Variants in NPAS3 observed in about 807,000 individuals in gnomAD.
NPAS3 encodes neuronal PAS domain protein 3, also known as neuronal PAS domain-containing protein 3.
In NPAS3, 14 loss-of-function variants were observed where a neutral mutation model predicts 73.1. The ratio of observed to expected loss-of-function variants is 0.19; its 90% CI spans 0.13 to 0.30. The LOEUF is 0.30. Among genes scored for constraint, NPAS3 ranks in the 10% least tolerant of loss-of-function variants. The probability of loss-of-function intolerance (pLI) is 1.00; values close to 1 mark genes in which losing one functional copy is unlikely to be tolerated. For synonymous variants in NPAS3, 620 were observed against 541.5 expected (o/e 1.14, Z -2.01); for missense variants, 1,096 against 1,250.0 (o/e 0.88, Z 1.86).
At chr14:33,776,864 C>T (rs1277441694) in intron 8 of NPAS3, among the ~76,000 whole-genome samples, 3 of 152,096 alleles carry the variant, frequency 2.0e-5, no homozygotes, top group Non-Finnish European at 4.4e-5. Flanking sequence ...GTTAAGAGAC[C>T]CTCAAATGCC....
At chr14:33,514,648 T>C (rs2053217300) in intron 4 of NPAS3, among the ~76,000 whole-genome samples, 1 of 152,078 alleles carries the variant, frequency 6.6e-6, no homozygotes, top group Non-Finnish European at 1.5e-5. Context: ...AAAGAAATTA[T>C]ATCATGAAAT....
At chr14:33,106,974 G>A (rs566393517) in intron 2 of NPAS3, among the ~76,000 whole-genome samples, 2 of 152,086 alleles carry the variant, frequency 1.3e-5, no homozygotes, top group African/African-American at 4.8e-5. Flanking sequence ...TTTAGGATTG[G>A]GTTGGGGGAC....
At chr14:33,605,973 T>G (rs1381481237) in intron 5 of NPAS3, among the ~76,000 whole-genome samples, 1 of 152,140 alleles carries the variant, frequency 6.6e-6, no homozygotes, top group Non-Finnish European at 1.5e-5. Flanking sequence ...CAATAATTAT[T>G]AAAAATCCAC....
intron 6 of NPAS3, among the ~76,000 whole-genome samples, chr14:33,697,776 C>T (rs117115995): frequency 4.3e-3 from 649 of 152,282 alleles, no homozygotes; most frequent in Non-Finnish European, 6.8e-3. Context: ...GTGTTTTAGA[C>T]TTCCACATTA....
intron 4 of NPAS3, among the ~76,000 whole-genome samples, chr14:33,369,528 T>C (rs952809059): frequency 1.9e-4 from 29 of 150,836 alleles, no homozygotes; most frequent in African/African-American, 6.8e-4. Flanking sequence ...AACTCCTAAA[T>C]AGGGCTGGTC....
intron 1 of NPAS3, among the ~76,000 whole-genome samples, chr14:33,022,463 G>A (rs956938141): frequency 6.6e-6 from 1 of 152,196 alleles, no homozygotes; most frequent in Admixed American, 6.5e-5. Flanking sequence ...AGGAGATCGA[G>A]ACCATCCTGG....
chr14:33,563,537 C>CACACACAGAGAGAGAG, intron 5 of NPAS3, among the ~76,000 whole-genome samples: 4 of 119,652 alleles, frequency 3.3e-5, no homozygotes, highest in African/African-American at 1.1e-4. Flanking sequence ...CACACACACA[C>CACACACAGAGAGAGAG]AGAGAGAGAG....
In NPAS3 at chr14:33,229,479, G is replaced by A. The variant is rs543843621; in HGVS notation, c.385+14053G>A. Among the ~76,000 whole-genome samples the A allele has an allele frequency of 2.3e-3, 344 of 152,292 alleles. 1 individual carries two copies. The highest frequency in any genetic ancestry group is 3.8e-3 in the Non-Finnish European group (260 of 68,012). The stretch of plus-strand genomic sequence containing the variant: ...ACTGAGGCAGGGCTCAGAGTCACGT[G>A]CTCACCTTCCCGCCCGCTCACATGC... On this transcript the variant is annotated intron_variant, in intron 3 of 11. Transcript: ENST00000356141.
At chr14:33,324,497 G>A (rs1243899336) in intron 3 of NPAS3, among the ~76,000 whole-genome samples, 1 of 152,154 alleles carries the variant, frequency 6.6e-6, no homozygotes, top group Non-Finnish European at 1.5e-5. Context: ...ACCCTAAATA[G>A]TATCATATGA....
At chr14:33,624,360 T>A (rs1017373226) in intron 5 of NPAS3, among the ~76,000 whole-genome samples, 2 of 152,240 alleles carry the variant, frequency 1.3e-5, no homozygotes, top group Admixed American at 6.5e-5. Flanking sequence ...GCATTTGGTT[T>A]AGGACACAGG....
intron 4 of NPAS3, among the ~76,000 whole-genome samples, chr14:33,390,077 C>T (rs766909768): frequency 2.6e-5 from 4 of 152,004 alleles, no homozygotes; most frequent in Non-Finnish European, 4.4e-5. Flanking sequence ...TTCACAGAAT[C>T]TGTATGTGAG....
At chr14:33,754,375 C>G (rs112250483) in intron 7 of NPAS3, among the ~76,000 whole-genome samples, 1 of 152,212 alleles carries the variant, frequency 6.6e-6, no homozygotes, top group Non-Finnish European at 1.5e-5. Context: ...GGATGACATT[C>G]AAGACACATT....
intron 4 of NPAS3, among the ~76,000 whole-genome samples, chr14:33,456,876 C>G (rs2050045312): frequency 6.6e-6 from 1 of 152,090 alleles, no homozygotes; most frequent in African/African-American, 2.4e-5. Context: ...ATTTAAAAAC[C>G]AGAAGGCTCC....
intron 5 of NPAS3, among the ~76,000 whole-genome samples, chr14:33,569,794 G>A (rs746885664): frequency 1.6e-4 from 24 of 152,032 alleles, no homozygotes; most frequent in Non-Finnish European, 2.8e-4. Flanking sequence ...TGTTAAACTT[G>A]GTATTTCTTA....
At chr14:33,587,300 A>G (rs988409395) in intron 5 of NPAS3, among the ~76,000 whole-genome samples, 1 of 151,016 alleles carries the variant, frequency 6.6e-6, no homozygotes, top group Non-Finnish European at 1.5e-5. Flanking sequence ...TACTTTACCC[A>G]TGACAAAAAA....
intron 1 of NPAS3, among the ~76,000 whole-genome samples, chr14:33,007,931 C>A (rs1206744968): frequency 2.0e-5 from 3 of 152,092 alleles, no homozygotes; most frequent in Non-Finnish European, 4.4e-5. Flanking sequence ...GTTGCCAACT[C>A]CGGTTCTAGT....
At chr14:33,787,064 G>C (rs1231140165) in intron 9 of NPAS3, among the ~76,000 whole-genome samples, 1 of 151,934 alleles carries the variant, frequency 6.6e-6, no homozygotes, top group African/African-American at 2.4e-5. Context: ...AAAAGAGAAG[G>C]TATAGGTCCT....
In NPAS3 at chr14:33,776,094, A is replaced by G. The variant is rs2062806331; in HGVS notation, c.1046+1564A>G. 2.0e-5 allele frequency among the ~76,000 whole-genome samples: 3 copies of G among 152,198 alleles called. No homozygotes were observed. The South Asian group carries it at 6.2e-4, about 32-fold the overall frequency. ...TTCTTTTTCTTCAGAAGTCAGACTGAATGGCAAATGACCAGAAAGAATAAC... is the reference window on the plus strand; with the variant it reads ...TTCTTTTTCTTCAGAAGTCAGACTGGATGGCAAATGACCAGAAAGAATAAC... On this transcript the variant is annotated intron_variant, in intron 8 of 11. Coordinates refer to ENST00000356141, the Ensembl canonical transcript of NPAS3.
chr14:32,963,591 G>A (rs1005486318), intron 1 of NPAS3, among the ~76,000 whole-genome samples: 1 of 152,252 alleles, frequency 6.6e-6, no homozygotes, highest in East Asian at 1.9e-4. Context: ...CTTCCACCCA[G>A]TTTGTCCCCT....
Sources: allele counts gnomAD v4.1 joint callset (sites outside exome capture counted in the v4.1 genomes callset), GRCh38; gene constraint gnomAD v4.1.1; transcripts MANE v1.5; gene names NCBI Gene and HGNC (gene_info 2026-07-23, HGNC 2026-07-21).